Variants in SPMIP7 observed in about 807,000 individuals in gnomAD.
The protein encoded by SPMIP7 is sperm microtubule inner protein 7, also known as protein SPMIP7.
At chr7:50,109,914 C>G in the SPMIP7 span, among the ~76,000 whole-genome samples, 1 of 151,930 alleles carries the variant, frequency 6.6e-6, no homozygotes, top group African/African-American at 2.4e-5. Flanking sequence ...CATTTATATT[C>G]TCAAATTTAG....
chr7:50,140,255 A>G, the SPMIP7 span: 1 of 812,440 alleles, frequency 1.2e-6, no homozygotes, highest in Admixed American at 3.6e-5. Flanking sequence ...CAGCTCACGC[A>G]TGTTGTATTC....
the SPMIP7 span, among the ~76,000 whole-genome samples, chr7:50,110,799 T>G: frequency 1.5e-5 from 2 of 132,718 alleles, no homozygotes; most frequent in African/African-American, 5.8e-5. Flanking sequence ...TAATATGATA[T>G]CTAACATATA....
the SPMIP7 span, chr7:50,141,421 T>A: frequency 3.1e-6 from 4 of 1,281,010 alleles, no homozygotes; most frequent in South Asian, 5.1e-5. Context: ...TCACTTGTTT[T>A]ATTACTAAGG....
the SPMIP7 span, among the ~76,000 whole-genome samples, chr7:50,123,097 G>T: frequency 2.2e-5 from 3 of 136,230 alleles, no homozygotes; most frequent in African/African-American, 8.7e-5. Context: ...AAATCATGCT[G>T]CTATAAAGAC....
chr7:50,130,434 G>A, the SPMIP7 span, among the ~76,000 whole-genome samples: 28 of 152,110 alleles, frequency 1.8e-4, no homozygotes, highest in Middle Eastern at 3.4e-3. Context: ...TCACTACCAC[G>A]AGAACGGTAT....
At chr7:50,126,359 T>A in the SPMIP7 span, among the ~76,000 whole-genome samples, 5 of 150,556 alleles carry the variant, frequency 3.3e-5, no homozygotes, top group Admixed American at 2.0e-4. Context: ...AAATAGAATA[T>A]GATAAATGCA....
the SPMIP7 span, among the ~76,000 whole-genome samples, chr7:50,139,048 A>G: frequency 6.6e-6 from 1 of 152,178 alleles, no homozygotes; most frequent in East Asian, 1.9e-4. Flanking sequence ...AGATTGAAAT[A>G]TTTAAAAATT....
At chr7:50,096,126 TC>T in the SPMIP7 span, 2 of 1,529,932 alleles carry the variant, frequency 1.3e-6, no homozygotes, top group Non-Finnish European at 1.8e-6. Context: ...AAGATAAGTA[TC>T]TCTAAAAGGT....
chr7:50,147,660 A>G, the SPMIP7 span, among the ~76,000 whole-genome samples: 1 of 152,192 alleles, frequency 6.6e-6, no homozygotes, highest in African/African-American at 2.4e-5. Flanking sequence ...TATTTAACTT[A>G]TATACCATCT....
the SPMIP7 span, among the ~76,000 whole-genome samples, chr7:50,122,244 C>G: frequency 6.6e-6 from 1 of 152,008 alleles, no homozygotes. Context: ...AATATAAGAG[C>G]CCTCAGAAAT....
chr7:50,127,854 C>T, the SPMIP7 span, among the ~76,000 whole-genome samples: 1 of 151,784 alleles, frequency 6.6e-6, no homozygotes, highest in African/African-American at 2.4e-5. Context: ...AACTTTCATT[C>T]ACTGTTGGTA....
the SPMIP7 span, among the ~76,000 whole-genome samples, chr7:50,146,461 A>G: frequency 3.9e-5 from 6 of 152,220 alleles, no homozygotes; most frequent in Non-Finnish European, 8.8e-5. Context: ...GATCCCAAGA[A>G]CACAGGAGGA....
chr7:50,135,692 T>C, the SPMIP7 span, among the ~76,000 whole-genome samples: 1 of 152,322 alleles, frequency 6.6e-6, no homozygotes, highest in African/African-American at 2.4e-5. Flanking sequence ...AAAGTCCTTC[T>C]TGGGCCAGAT....
At chr7:50,119,377 T>C in the SPMIP7 span, among the ~76,000 whole-genome samples, 5 of 152,324 alleles carry the variant, frequency 3.3e-5, no homozygotes, top group Middle Eastern at 3.4e-3. Flanking sequence ...TCTGACATCA[T>C]GAAAACTGAA....
the SPMIP7 span, among the ~76,000 whole-genome samples, chr7:50,134,604 C>G: frequency 6.6e-6 from 1 of 152,152 alleles, no homozygotes; most frequent in Non-Finnish European, 1.5e-5. Context: ...TACCAGATAA[C>G]CTATGCTGAA....
chr7:50,146,411 T>C, the SPMIP7 span, among the ~76,000 whole-genome samples: 1 of 152,232 alleles, frequency 6.6e-6, no homozygotes, highest in South Asian at 2.1e-4. Context: ...AGCTTTGAGT[T>C]ATACTGTTTC....
the SPMIP7 span, among the ~76,000 whole-genome samples, chr7:50,098,433 G>T: frequency 6.6e-6 from 1 of 152,028 alleles, no homozygotes; most frequent in Non-Finnish European, 1.5e-5. Flanking sequence ...TTCCTTGATT[G>T]TCCTCCACTT....
chr7:50,133,281 C>T, the SPMIP7 span, among the ~76,000 whole-genome samples: 5 of 151,788 alleles, frequency 3.3e-5, no homozygotes, highest in South Asian at 4.1e-4. Flanking sequence ...TGTCATAGGA[C>T]GGCTGAAGCC....
the SPMIP7 span, chr7:50,136,178 T>A: frequency 6.6e-7 from 1 of 1,524,600 alleles, no homozygotes; most frequent in Non-Finnish European, 8.9e-7. Context: ...AAGTTTTATC[T>A]CCTAAAGTTC....
Sources: gnomAD v4.1 joint callset for allele counts (sites outside exome capture counted in the v4.1 genomes callset) on GRCh38, gnomAD v4.1.1 for gene constraint, MANE v1.5 for transcripts, NCBI Gene and HGNC (gene_info 2026-07-23, HGNC 2026-07-21) for gene names.